Variants in PRKCB observed in about 807,000 individuals in gnomAD.
The protein encoded by PRKCB is protein kinase C beta type.
In PRKCB, 13 loss-of-function variants were observed where a neutral mutation model predicts 81.5. That is an observed-to-expected ratio of 0.16 (90% CI 0.10 to 0.25). The LOEUF (loss-of-function observed/expected upper bound fraction) is 0.25. PRKCB is among the 10% of genes least tolerant of loss of function. The probability of loss-of-function intolerance (pLI) is 1.00; values close to 1 mark genes in which losing one functional copy is unlikely to be tolerated. For synonymous variants in PRKCB, 335 were observed against 321.4 expected, an observed-to-expected ratio of 1.04 and a Z score of -0.45; for missense variants, 509 against 875.7, an observed-to-expected ratio of 0.58 and a Z score of 5.29.
chr16:24,021,186 TCC>T, intron 3 of PRKCB, among the ~76,000 whole-genome samples: 1 of 103,718 alleles, frequency 9.6e-6, no homozygotes, highest in South Asian at 4.3e-4. Flanking sequence ...TTCCCTTCCT[TCC>T]TCTTTCTTTC....
intron 2 of PRKCB, among the ~76,000 whole-genome samples, chr16:23,980,432 C>A (rs762593904): frequency 6.6e-6 from 1 of 152,230 alleles, no homozygotes; most frequent in Non-Finnish European, 1.5e-5. Flanking sequence ...AACTTAAATG[C>A]CCTTTTCCAC....
intron 5 of PRKCB, among the ~76,000 whole-genome samples, chr16:24,060,852 T>G (rs533145158): frequency 6.6e-6 from 1 of 152,234 alleles, no homozygotes; most frequent in African/African-American, 2.4e-5. Context: ...CCCCATTCCT[T>G]GCAGGAGTTC....
chr16:23,974,209 T>G (rs1964596486), intron 2 of PRKCB, among the ~76,000 whole-genome samples: 1 of 151,804 alleles, frequency 6.6e-6, no homozygotes, highest in African/African-American at 2.4e-5. Flanking sequence ...TCCTGAGAAA[T>G]GAGGCAGAAG....
At chr16:24,194,357 A>G (rs141495768) in intron 16 of PRKCB, among the ~76,000 whole-genome samples, 1,799 of 151,518 alleles carry the variant, frequency 0.012, 11 homozygotes, top group Non-Finnish European at 0.02. Context: ...AAAACAAAAA[A>G]CAACAAAAAA....
intron 5 of PRKCB, among the ~76,000 whole-genome samples, chr16:24,046,439 G>C (rs1030712501): frequency 2.4e-4 from 37 of 152,326 alleles, no homozygotes; most frequent in African/African-American, 8.7e-4. Context: ...AGAAAACAAG[G>C]AACACTATCA....
intron 3 of PRKCB, among the ~76,000 whole-genome samples, chr16:23,991,866 G>C (rs1376309509): frequency 6.6e-6 from 1 of 152,182 alleles, no homozygotes; most frequent in East Asian, 1.9e-4. Flanking sequence ...CCAGAAGAAT[G>C]GGTTATGCTG....
intron 10 of PRKCB, among the ~76,000 whole-genome samples, chr16:24,155,127 G>C (rs429342): frequency 0.23 from 35,094 of 152,172 alleles, 4,271 homozygotes; most frequent in South Asian, 0.3. Flanking sequence ...TGACAGCAAG[G>C]AGTGACTTGG....
intron 9 of PRKCB, among the ~76,000 whole-genome samples, chr16:24,140,447 C>A (rs959151042): frequency 1.3e-5 from 2 of 152,032 alleles, no homozygotes; most frequent in Non-Finnish European, 2.9e-5. Flanking sequence ...AAGAGCTTTA[C>A]ACACAAAGAC....
intron 5 of PRKCB, among the ~76,000 whole-genome samples, chr16:24,061,922 A>G (rs1596532892): frequency 6.7e-6 from 1 of 149,508 alleles, no homozygotes. Flanking sequence ...AAAAAAAAAA[A>G]AAAAAAAAAA....
At chr16:23,957,486 G>T (rs1964365486) in intron 2 of PRKCB, among the ~76,000 whole-genome samples, 1 of 152,264 alleles carries the variant, frequency 6.6e-6, no homozygotes, top group African/African-American at 2.4e-5. Context: ...GGAGAGAGAA[G>T]ATTGAAAACA....
At chr16:24,194,335 C>T (rs1300071744) in intron 16 of PRKCB, among the ~76,000 whole-genome samples, 1 of 151,378 alleles carries the variant, frequency 6.6e-6, no homozygotes, top group Non-Finnish European at 1.5e-5. Flanking sequence ...CAAAAACAAA[C>T]AAACAAACAA....
intron 9 of PRKCB, among the ~76,000 whole-genome samples, chr16:24,138,647 A>C (rs945721746): frequency 1.2e-4 from 19 of 152,128 alleles, no homozygotes; most frequent in African/African-American, 4.3e-4. Flanking sequence ...TATATAACAC[A>C]GTATTATTAA....
rs8050101 is a variant in PRKCB, at chr16:24,168,518, C to T, written c.1240-3752C>T. Among the ~76,000 whole-genome samples, 797 of 113,936 alleles carry T rather than the reference C, an allele frequency of 7.0e-3. 9 individuals carry two copies. Among genetic ancestry groups the T allele is most frequent in the African/African-American group, 0.023 (743 of 32,768 alleles). The allele number at this position is 113,936 out of a possible 152,430, so 74.7% of individuals were successfully genotyped here. A position where few individuals can be genotyped will look rare whatever the true frequency, so the allele number is the denominator to read the frequency against. On this transcript the variant is annotated intron_variant, in intron 10 of 16. Coordinates refer to ENST00000643927, the MANE Select transcript of PRKCB (RefSeq NM_002738.7). Reference sequence around the variant, plus strand: ...ACTGATAATTTCCATTTCATCATTTCATTATTTTTCTTTCTTCTTCTACTT... The same window carrying T: ...ACTGATAATTTCCATTTCATCATTTTATTATTTTTCTTTCTTCTTCTACTT...
At chr16:24,147,030 C>G (rs1252330997) in intron 9 of PRKCB, among the ~76,000 whole-genome samples, 2 of 152,104 alleles carry the variant, frequency 1.3e-5, no homozygotes, top group Non-Finnish European at 1.5e-5. Flanking sequence ...AGCATATGGC[C>G]GGGCGCGGTG....
chr16:24,185,447 C>T lies in PRKCB; in HGVS notation c.1615-13C>T, dbSNP rs894459020. The T allele has an allele frequency of 6.2e-7, 1 of 1,610,648 alleles. No homozygotes were observed. The highest frequency in any genetic ancestry group is 8.5e-7 in the Non-Finnish European group (1 of 1,176,974). ...CAGGGATTCTTCTCCTCCCACCCTC[C>T]CCTGTCATACAGGCACCCTTTGAAG... On this transcript the variant is annotated splice_polypyrimidine_tract_variant and intron_variant, in intron 14 of 16. Coordinates refer to ENST00000643927, the MANE Select transcript of PRKCB (RefSeq NM_002738.7).
At chr16:24,015,278 G>A (rs1055513449) in intron 3 of PRKCB, among the ~76,000 whole-genome samples, 2 of 152,200 alleles carry the variant, frequency 1.3e-5, no homozygotes, top group Non-Finnish European at 2.9e-5. Flanking sequence ...CATTTTACAG[G>A]TGAGAAAATC....
intron 10 of PRKCB, among the ~76,000 whole-genome samples, chr16:24,168,763 TC>T (rs1967392712): frequency 6.8e-6 from 1 of 147,678 alleles, no homozygotes; most frequent in Non-Finnish European, 1.5e-5. Context: ...CTTGCTATGT[TC>T]CCCAGGCTGT....
At chr16:24,136,645 A>G (rs1280823531) in intron 9 of PRKCB, among the ~76,000 whole-genome samples, 1 of 152,174 alleles carries the variant, frequency 6.6e-6, no homozygotes, top group Non-Finnish European at 1.5e-5. Flanking sequence ...AAATCCCGGG[A>G]AAGAAAAACT....
chr16:23,886,414 T>G (rs1004048918), intron 2 of PRKCB, among the ~76,000 whole-genome samples: 15 of 109,972 alleles, frequency 1.4e-4, no homozygotes, highest in African/African-American at 4.7e-4. Flanking sequence ...GTGTTTTTTT[T>G]TTTTTTTTTT....
Sources: gnomAD v4.1 joint callset for allele counts (sites outside exome capture counted in the v4.1 genomes callset) on GRCh38, gnomAD v4.1.1 for gene constraint, MANE v1.5 for transcripts, NCBI Gene and HGNC (gene_info 2026-07-23, HGNC 2026-07-21) for gene names.